Variants in NET1 observed in about 807,000 individuals in gnomAD.
NET1 encodes neuroepithelial cell-transforming gene 1 protein.
NET1 carries 42 observed loss-of-function variants against 61.1 expected under a neutral mutation model. The ratio of observed to expected loss-of-function variants is 0.69; its 90% CI spans 0.54 to 0.89. The LOEUF is 0.89. Ranked by LOEUF, NET1 falls within the 40% of genes least tolerant of loss-of-function variation. The pLI is 0.00. For missense variants in NET1, 654 were observed against 747.3 expected (o/e 0.88, Z 1.46); for synonymous variants, 254 against 281.8 (o/e 0.90, Z 0.99).
At chr10:5,430,376 C>CTT (rs34200273) in intron 3 of NET1, among the ~76,000 whole-genome samples, 142 of 139,864 alleles carry the variant, frequency 1.0e-3, no homozygotes, top group African/African-American at 1.4e-3. Flanking sequence ...TAGATAAAAA[C>CTT]TTTTTTTTTT....
At position 5,426,824 on chromosome 10, in the gene NET1, C is replaced by T. The variant is rs1832265571; in HGVS notation, c.195+103C>T. On this transcript the variant is annotated intron_variant, in intron 2 of 11. Transcript: ENST00000355029. The surrounding 1 kb of genome is among the most constrained non-coding windows in gnomAD (Gnocchi z 4.6). The stretch of plus-strand genomic sequence containing the variant: ...ATCAGTGGTCCTTACTTCTGAGGGT[C>T]TTGAGGAACAGAATTCCTGTAACCA... 2.9e-6 allele frequency: 2 copies of T among 687,468 alleles called. No individual in the cohort carries two copies. Among genetic ancestry groups the T allele is most frequent in the Non-Finnish European group, 4.6e-6 (2 of 437,418 alleles). 42.6% of individuals were successfully genotyped at this position (687,468 alleles called of 1,614,324 possible). A position where few individuals can be genotyped will look rare whatever the true frequency, so the allele number is the denominator to read the frequency against.
rs11253179 is a variant in NET1, at chr10:5,435,502, T to G, written c.255+6273T>G. Among the ~76,000 whole-genome samples the G allele has an allele frequency of 4.9e-4, 11 of 22,650 alleles. No homozygotes were observed. The East Asian group carries it at 9.0e-3, about 19-fold the overall frequency. 14.9% of individuals were successfully genotyped at this position (22,650 alleles called of 152,430 possible). The stretch of plus-strand genomic sequence containing the variant: ...ATAGATAGATAGATAGATAGATAGA[T>G]AGATAGATAGATAGATAGATAGATA... On this transcript the variant is annotated intron_variant, in intron 3 of 11. Coordinates refer to ENST00000355029, the MANE Select transcript of NET1 (RefSeq NM_001047160.3). The surrounding 1 kb of genome is among the most constrained non-coding windows in gnomAD (Gnocchi z 5.0).
rs1462170828 is a variant in NET1 at position 5,456,742 on chromosome 10, G to C, written c.1539G>C (p.Gln513His). 3 of 1,613,996 alleles carry C rather than the reference G, an allele frequency of 1.9e-6. No homozygotes were observed. Among genetic ancestry groups the C allele is most frequent in the Admixed American group, 1.7e-5 (1 of 60,010 alleles). Residue 513 changes from glutamine (Q) to histidine (H), a missense_variant, in exon 12 of 12, where the codon CAG (glutamine) becomes CAC (histidine). By Grantham distance (24) the Gln-to-His change is conservative. Transcript: ENST00000355029. The surrounding 1 kb of genome is among the most constrained non-coding windows in gnomAD (Gnocchi z 7.0). ...CGGCAGGCAGTCCACCTGAGCTGCA[G>C]GGCCTGCCGGAGCTGCACGAAGAGT... ...FQSAGSPPEL[Q>H]GLPELHEECE...
At position 5,439,191 on chromosome 10, in the gene NET1, G is replaced by C. The variant is rs1257978809; in HGVS notation, c.255+9962G>C. Among the ~76,000 whole-genome samples, 1 of 152,192 alleles carries C rather than the reference G, an allele frequency of 6.6e-6. No individual in the cohort carries two copies. The highest frequency in any genetic ancestry group is 1.5e-5 in the Non-Finnish European group (1 of 68,032). On this transcript the variant is annotated intron_variant, in intron 3 of 11. Coordinates refer to ENST00000355029, the MANE Select transcript of NET1 (RefSeq NM_001047160.3). The surrounding 1 kb of genome is among the most constrained non-coding windows in gnomAD (Gnocchi z 4.8). ...GTCATGCCATTTCTCCCTTCACACA[G>C]AGTGAACAACCAAGTGCATTACTGA...
intron 3 of NET1, among the ~76,000 whole-genome samples, chr10:5,433,638 A>C (rs1234443947): frequency 6.6e-6 from 1 of 151,996 alleles, no homozygotes; most frequent in Non-Finnish European, 1.5e-5. Context: ...TTAATATTTT[A>C]CTCCATTGTG....
chr10:5,455,772 A>G lies in NET1; in HGVS notation c.1198-315A>G, dbSNP rs1832786480. Among the ~76,000 whole-genome samples the G allele has an allele frequency of 6.6e-6, 1 of 152,370 alleles. No individual in the cohort carries two copies. Among genetic ancestry groups the G allele is most frequent in the South Asian group, 2.1e-4 (1 of 4,828 alleles). On this transcript the variant is annotated intron_variant, in intron 10 of 11. Transcript: ENST00000355029. The surrounding 1 kb of genome is among the most constrained non-coding windows in gnomAD (Gnocchi z 6.5). ...CTCCTTCGTGTTAGAAAACTGTGGTATACAACGCTAGTGTTTCAAGTCATG... is the reference window on the plus strand; with the variant it reads ...CTCCTTCGTGTTAGAAAACTGTGGTGTACAACGCTAGTGTTTCAAGTCATG...
In NET1 at chr10:5,421,629, A is replaced by G. The variant is rs970995967; in HGVS notation, c.129-5026A>G. Reference sequence around the variant, plus strand: ...CCATGTGGTCCCAAATAAGTTGACTATGTTTTTAAATAGTTTATTGAGATA... The same window carrying G: ...CCATGTGGTCCCAAATAAGTTGACTGTGTTTTTAAATAGTTTATTGAGATA... On this transcript the variant is annotated intron_variant, in intron 1 of 11. Transcript: ENST00000355029. This position sits in a 1 kb window ranked among gnomAD's most constrained non-coding sequence, Gnocchi z 4.2. Among the ~76,000 whole-genome samples the G allele has an allele frequency of 4.6e-5, 7 of 152,212 alleles. No individual in the cohort carries two copies.
In NET1 at chr10:5,456,362, A is replaced by T; in HGVS notation, c.1384+89A>T. ...TGCCTTTAAGAATTCTAGAGATGAA[A>T]TGGCTCCATTGTCCTATACTTGTTA... is the stretch of plus-strand genomic sequence containing the variant. On this transcript the variant is annotated intron_variant, in intron 11 of 11. Transcript: ENST00000355029. This position sits in a 1 kb window ranked among gnomAD's most constrained non-coding sequence, Gnocchi z 7.0. 1 of 1,278,336 alleles carries T rather than the reference A, an allele frequency of 7.8e-7. No individual in the cohort carries two copies. Among genetic ancestry groups the T allele is most frequent in the South Asian group, 1.6e-5 (1 of 64,464 alleles). The allele number at this position is 1,278,336 out of a possible 1,614,324, so 79.2% of individuals were successfully genotyped here. A position where few individuals can be genotyped will look rare whatever the true frequency, so the allele number is the denominator to read the frequency against.
chr10:5,454,401 T>G lies in NET1; in HGVS notation c.905T>G (p.Leu302Arg), dbSNP rs755984653. The G allele has an allele frequency of 9.3e-6, 15 of 1,614,082 alleles. No individual in the cohort carries two copies. Residue 302 changes from leucine (L) to arginine (R), a missense_variant, in exon 9 of 12, where the codon CTA (leucine) becomes CGA (arginine). By Grantham distance (102) the Leu-to-Arg change is moderately radical. Coordinates refer to ENST00000355029, the MANE Select transcript of NET1 (RefSeq NM_001047160.3). This position sits in a 1 kb window ranked among gnomAD's most constrained non-coding sequence, Gnocchi z 8.1. ...CTCGAGTCTCCCTTCAGTCGAAAAC[T>G]AGATCTTTGGAGTTTCCTAGATATC... is the stretch of plus-strand genomic sequence containing the variant. ...RCLESPFSRKLDLWSFLDIPR... is the reference protein window; with the variant it reads ...RCLESPFSRKRDLWSFLDIPR...
chr10:5,412,925 G>GGAGGC lies in NET1; in HGVS notation c.128+105_128+106insGAGGC, dbSNP rs957185900. The stretch of plus-strand genomic sequence containing the variant: ...AGGCAAGGGCCGGGGGGAGGGGAGG[G>GGAGGC]CTGGCCGGGAGTTGGATGTGGGGGG... On this transcript the variant is annotated intron_variant, in intron 1 of 11. Coordinates refer to ENST00000355029, the MANE Select transcript of NET1 (RefSeq NM_001047160.3). This position sits in a 1 kb window ranked among gnomAD's most constrained non-coding sequence, Gnocchi z 6.5. 8.2e-6 allele frequency: 9 copies of GGAGGC among 1,092,042 alleles called. No individual in the cohort carries two copies. In the African/African-American group the frequency reaches 1.5e-4, roughly 18 times the overall value. 67.6% of individuals were successfully genotyped at this position (1,092,042 alleles called of 1,614,324 possible).
rs914972449 is a variant in NET1 at position 5,426,098 on chromosome 10, A to G, written c.129-557A>G. Among the ~76,000 whole-genome samples, 2 of 152,204 alleles carry G rather than the reference A, an allele frequency of 1.3e-5. No individual in the cohort carries two copies. The highest frequency in any genetic ancestry group is 2.4e-5 in the African/African-American group (1 of 41,454). On this transcript the variant is annotated intron_variant, in intron 1 of 11. Transcript: ENST00000355029. This position sits in a 1 kb window ranked among gnomAD's most constrained non-coding sequence, Gnocchi z 4.6. ...TTTAATAGTAAAGAACAAAATTCTAATCACATTTTAATCTTGAGATCTTTG... is the reference window on the plus strand; with the variant it reads ...TTTAATAGTAAAGAACAAAATTCTAGTCACATTTTAATCTTGAGATCTTTG...
intron 3 of NET1, among the ~76,000 whole-genome samples, chr10:5,432,487 GT>G (rs1351902504): frequency 6.6e-6 from 1 of 152,128 alleles, no homozygotes; most frequent in Non-Finnish European, 1.5e-5. Flanking sequence ...TAGTAGGGAT[GT>G]ACAGTCAAAT....
At position 5,456,569 on chromosome 10, in the gene NET1, T is replaced by C. The variant is rs746528645; in HGVS notation, c.1385-19T>C. The C allele has an allele frequency of 6.6e-7, 1 of 1,517,246 alleles. No homozygotes were observed. Among genetic ancestry groups the C allele is most frequent in the African/African-American group, 1.4e-5 (1 of 71,736 alleles). The allele number at this position is 1,517,246 out of a possible 1,614,324, so 94.0% of individuals were successfully genotyped here. A position where few individuals can be genotyped will look rare whatever the true frequency, so the allele number is the denominator to read the frequency against. On this transcript the variant is annotated intron_variant, in intron 11 of 11. Coordinates refer to ENST00000355029, the MANE Select transcript of NET1 (RefSeq NM_001047160.3). This position sits in a 1 kb window ranked among gnomAD's most constrained non-coding sequence, Gnocchi z 7.0. ...TTTTTTAGCCTGATTTCTTTTTTTTTTCCAATTTTTTTTTTCAGCTAAAAA... is the reference window on the plus strand; with the variant it reads ...TTTTTTAGCCTGATTTCTTTTTTTTCTCCAATTTTTTTTTTCAGCTAAAAA...
rs1832710067 is a variant in NET1, at chr10:5,451,810, C to T, written c.256-20C>T. The T allele has an allele frequency of 1.3e-6, 2 of 1,594,814 alleles. No homozygotes were observed. Among genetic ancestry groups the T allele is most frequent in the Admixed American group, 1.7e-5 (1 of 59,848 alleles). ...TTGCACCTAGACATATATTTAGTGTCATCTGGTTTGTTTTTATAGGAGCCA... is the reference window on the plus strand; with the variant it reads ...TTGCACCTAGACATATATTTAGTGTTATCTGGTTTGTTTTTATAGGAGCCA... On this transcript the variant is annotated intron_variant, in intron 3 of 11. Coordinates refer to ENST00000355029, the MANE Select transcript of NET1 (RefSeq NM_001047160.3). This position sits in a 1 kb window ranked among gnomAD's most constrained non-coding sequence, Gnocchi z 6.1.
chr10:5,431,189 T>C lies in NET1; in HGVS notation c.255+1960T>C, dbSNP rs542501932. Among the ~76,000 whole-genome samples the C allele has an allele frequency of 2.3e-4, 35 of 152,314 alleles. No homozygotes were observed. Among genetic ancestry groups the C allele is most frequent in the Admixed American group, 1.3e-3 (20 of 15,308 alleles). The stretch of plus-strand genomic sequence containing the variant: ...CCCGGCCTTAACTATATCTCTTAAG[T>C]CTCTTTTAGTTCATTGGTTTCCCCT... On this transcript the variant is annotated intron_variant, in intron 3 of 11. Coordinates refer to ENST00000355029, the MANE Select transcript of NET1 (RefSeq NM_001047160.3). This position sits in a 1 kb window ranked among gnomAD's most constrained non-coding sequence, Gnocchi z 4.9.
chr10:5,426,105 T>C lies in NET1; in HGVS notation c.129-550T>C, dbSNP rs1258249197. Among the ~76,000 whole-genome samples, 1 of 152,202 alleles carries C rather than the reference T, an allele frequency of 6.6e-6. No homozygotes were observed. Among genetic ancestry groups the C allele is most frequent in the African/African-American group, 2.4e-5 (1 of 41,464 alleles). ...GTAAAGAACAAAATTCTAATCACAT[T>C]TTAATCTTGAGATCTTTGTCTCAAA... On this transcript the variant is annotated intron_variant, in intron 1 of 11. Transcript: ENST00000355029. This position sits in a 1 kb window ranked among gnomAD's most constrained non-coding sequence, Gnocchi z 4.6.
In NET1 at chr10:5,449,727, A is replaced by G. The variant is rs545508254; in HGVS notation, c.256-2103A>G. 5.4e-4 allele frequency among the ~76,000 whole-genome samples: 82 copies of G among 152,322 alleles called. No homozygotes were observed. The highest frequency in any genetic ancestry group is 3.4e-3 in the Middle Eastern group (1 of 294). On this transcript the variant is annotated intron_variant, in intron 3 of 11. Coordinates refer to ENST00000355029, the MANE Select transcript of NET1 (RefSeq NM_001047160.3). The surrounding 1 kb of genome is among the most constrained non-coding windows in gnomAD (Gnocchi z 4.4). ...ATAATAAATTTTTATCATTAATTTG[A>G]TTTTATGTGATAAAATAGATATCAA...
At chr10:5,434,988 G>T (rs1832405980) in intron 3 of NET1, among the ~76,000 whole-genome samples, 1 of 152,150 alleles carries the variant, frequency 6.6e-6, no homozygotes, top group Non-Finnish European at 1.5e-5. Flanking sequence ...CTATAGAAAA[G>T]CCTGCTCAGT....
chr10:5,436,212 G>GCA (rs1235515365), intron 3 of NET1, among the ~76,000 whole-genome samples: 1,449 of 75,756 alleles, frequency 0.019, 52 homozygotes, highest in Non-Finnish European at 0.026. Flanking sequence ...GTGTGTGTGT[G>GCA]TGTGTGTGTG....
Sources: gnomAD v4.1 joint callset for allele counts (sites outside exome capture counted in the v4.1 genomes callset) on GRCh38, gnomAD v4.1.1 for gene constraint, Gnocchi (gnomAD v3.1) non-coding constraint, MANE v1.5 for transcripts, NCBI Gene and HGNC (gene_info 2026-07-23, HGNC 2026-07-21) for gene names.